Variants in DYNC1LI1 observed in about 807,000 individuals in gnomAD.
DYNC1LI1 encodes the protein dynein cytoplasmic 1 light intermediate chain 1.
In DYNC1LI1, 19 loss-of-function variants were observed where a neutral mutation model predicts 63.8. The ratio of observed to expected loss-of-function variants is 0.30; its 90% CI spans 0.21 to 0.44. The LOEUF (loss-of-function observed/expected upper bound fraction) is 0.44, where lower values mean the gene tolerates loss of function less well. Ranked by LOEUF, DYNC1LI1 falls within the 20% of genes least tolerant of loss-of-function variation. The pLI, the probability that DYNC1LI1 is intolerant of heterozygous loss-of-function variation, is 1.00. For synonymous variants in DYNC1LI1, 225 were observed against 232.3 expected (o/e 0.97, Z 0.28); for missense variants, 565 against 630.2 (o/e 0.90, Z 1.11).
chr3:32,528,689 GAATA>G (rs1254822751), intron 11 of DYNC1LI1, 88 bp from the exon 12 acceptor site: 1 of 1,279,624 alleles, frequency 7.8e-7, no homozygotes, highest in Non-Finnish European at 1.0e-6. Flanking sequence ...CATAGAAAAT[GAATA>G]AACTTAAATT....
intron 12 of DYNC1LI1, 103 bp from the exon 13 acceptor site, chr3:32,527,011 T>A: frequency 1.3e-6 from 1 of 760,280 alleles, no homozygotes; most frequent in African/African-American, 1.8e-5. Context: ...TTCATTAACT[T>A]TATTTAGCAC....
chr3:32,545,714 T>G, intron 3 of DYNC1LI1, 135 bp downstream of exon 3: 1 of 718,752 alleles, frequency 1.4e-6, no homozygotes. Context: ...TGGCTAAACA[T>G]AGCTATTTCT....
At chr3:32,530,193 A>T in intron 10 of DYNC1LI1, 91 bp downstream of exon 10, 1 of 1,021,040 alleles carries the variant, frequency 9.8e-7, no homozygotes, top group Non-Finnish European at 1.4e-6. Flanking sequence ...ATCAAAGCAC[A>T]CCCATATGAA....
At chr3:32,567,829 G>A (rs575500496) in intron 2 of DYNC1LI1, among the ~76,000 whole-genome samples, 8 of 150,646 alleles carry the variant, frequency 5.3e-5, no homozygotes, top group African/African-American at 1.2e-4. Flanking sequence ...TCAGCCTCCC[G>A]AGTAACTGGG....
chr3:32,550,772 G>T (rs934005336), intron 2 of DYNC1LI1, among the ~76,000 whole-genome samples: 5 of 152,108 alleles, frequency 3.3e-5, no homozygotes, highest in African/African-American at 1.2e-4. Context: ...TGGGGCCTAA[G>T]AATCTGCATT....
chr3:32,530,535 G>C lies in DYNC1LI1; in HGVS notation c.1081-15C>G. On this transcript the variant is annotated splice_polypyrimidine_tract_variant and intron_variant, in intron 8 of 12. Coordinates refer to ENST00000273130, the MANE Select transcript of DYNC1LI1 (RefSeq NM_016141.4). ...TCATGTACAAACTGAAATGAGCAAT[G>C]CACAAATGAGCAAATTTAATATATT... The C allele has an allele frequency of 6.3e-7, 1 of 1,598,656 alleles. No homozygotes were observed.
intron 2 of DYNC1LI1, among the ~76,000 whole-genome samples, chr3:32,551,211 C>T (rs948914773): frequency 6.6e-6 from 1 of 152,116 alleles, no homozygotes; most frequent in African/African-American, 2.4e-5. Flanking sequence ...GAGGGAAGAG[C>T]CTGGTTTTAC....
chr3:32,566,071 A>G (rs1698255390), intron 2 of DYNC1LI1, among the ~76,000 whole-genome samples: 1 of 152,174 alleles, frequency 6.6e-6, no homozygotes, highest in African/African-American at 2.4e-5. Flanking sequence ...CAGGAGTTCA[A>G]GACCAGCTTG....
At chr3:32,535,370 A>C (rs1697760320) in intron 6 of DYNC1LI1, among the ~76,000 whole-genome samples, 1 of 152,198 alleles carries the variant, frequency 6.6e-6, no homozygotes, top group Non-Finnish European at 1.5e-5. Context: ...GGCTATCAGA[A>C]ATTCTATGAC....
intron 4 of DYNC1LI1, among the ~76,000 whole-genome samples, chr3:32,542,122 G>T (rs190914582): frequency 2.6e-5 from 4 of 152,278 alleles, no homozygotes; most frequent in East Asian, 3.9e-4. Flanking sequence ...AAAAGTATTA[G>T]TTATTTATTT....
At chr3:32,529,694 C>T in intron 10 of DYNC1LI1, 34 bp from the exon 11 acceptor site, 1 of 1,536,908 alleles carries the variant, frequency 6.5e-7, no homozygotes, top group Middle Eastern at 2.4e-4. Context: ...ATTATAAAAA[C>T]CTGAAACTTT....
Position 32,526,741 on chromosome 3 carries a change from G to A in DYNC1LI1, c.*58C>T. The A allele has an allele frequency of 7.7e-7, 1 of 1,303,648 alleles. No individual in the cohort carries two copies. Among genetic ancestry groups the A allele is most frequent in the East Asian group, 2.3e-5 (1 of 43,046 alleles). The allele number at this position is 1,303,648 out of a possible 1,614,324, so 80.8% of individuals were successfully genotyped here. A position where few individuals can be genotyped will look rare whatever the true frequency, so the allele number is the denominator to read the frequency against. On this transcript the variant is annotated 3_prime_UTR_variant, in exon 13 of 13. Coordinates refer to ENST00000273130, the MANE Select transcript of DYNC1LI1 (RefSeq NM_016141.4). The stretch of plus-strand genomic sequence containing the variant: ...TTCTAATTCCACTTTTGAAGGAAAA[G>A]GCAGAGGCATGTTTACATTATCCCA...
chr3:32,552,145 T>C (rs192928388), intron 2 of DYNC1LI1, among the ~76,000 whole-genome samples: 1 of 152,216 alleles, frequency 6.6e-6, no homozygotes, highest in Non-Finnish European at 1.5e-5. Context: ...TCCCTCTACC[T>C]AGAACAAAGT....
At chr3:32,544,832 C>T (rs1329509929) in intron 4 of DYNC1LI1, 44 bp downstream of exon 4, 1 of 1,375,256 alleles carries the variant, frequency 7.3e-7, no homozygotes, top group African/African-American at 1.4e-5. Flanking sequence ...TCAGCCAAGA[C>T]ATTTTGTATT....
At chr3:32,533,183 T>G in intron 7 of DYNC1LI1, 86 bp from the exon 8 acceptor site, 1 of 1,424,336 alleles carries the variant, frequency 7.0e-7, no homozygotes, top group Non-Finnish European at 9.1e-7. Context: ...AGGAATACTT[T>G]CATGAAGTCA....
chr3:32,570,812 C>G lies in DYNC1LI1; in HGVS notation c.-42G>C. 2 of 1,567,922 alleles carry G rather than the reference C, an allele frequency of 1.3e-6. No individual in the cohort carries two copies. The highest frequency in any genetic ancestry group is 2.4e-5 in the East Asian group (1 of 41,278). On this transcript the variant is annotated 5_prime_UTR_variant, in exon 1 of 13. Transcript: ENST00000273130. The stretch of plus-strand genomic sequence containing the variant: ...ACCACTCCCGGCAAGACTAAATGTG[C>G]GAGGCGGCTGAGGCGGTGGCGGTGG...
chr3:32,529,792 C>CA lies in DYNC1LI1; in HGVS notation c.1186-133dup, dbSNP rs1697670771. 5.6e-6 allele frequency: 4 copies of CA among 714,986 alleles called. No homozygotes were observed. The South Asian group carries it at 9.6e-5, about 17-fold the overall frequency. The allele number at this position is 714,986 out of a possible 1,614,324, so 44.3% of individuals were successfully genotyped here. ...GTACTTTTACACTGCAAGCCATTGA[C>CA]AAAATTGTTAGCAATCCTGTCCTCA... On this transcript the variant is annotated intron_variant, in intron 10 of 12. Transcript: ENST00000273130.
chr3:32,540,017 A>G (rs942285295), intron 5 of DYNC1LI1, among the ~76,000 whole-genome samples: 8 of 150,372 alleles, frequency 5.3e-5, no homozygotes, highest in African/African-American at 2.0e-4. Context: ...GGCGCCCGCC[A>G]CCACGCCTGG....
chr3:32,555,766 G>C (rs967068468), intron 2 of DYNC1LI1, among the ~76,000 whole-genome samples: 2 of 152,118 alleles, frequency 1.3e-5, no homozygotes, highest in African/African-American at 4.8e-5. Context: ...AGTATTTAGA[G>C]GAAAAGTGTA....
Sources: gnomAD v4.1 joint callset for allele counts (sites outside exome capture counted in the v4.1 genomes callset) on GRCh38, gnomAD v4.1.1 for gene constraint, MANE v1.5 for transcripts, NCBI Gene and HGNC (gene_info 2026-07-23, HGNC 2026-07-21) for gene names.